The following CLSTN2 variants were observed in gnomAD, a reference collection of about 807,000 sequenced individuals.
The protein encoded by CLSTN2 is calsyntenin-2.
In CLSTN2, 48 loss-of-function variants were observed where a neutral mutation model predicts 101.2. The observed-to-expected ratio is 0.47, with a 90% CI of 0.38 to 0.60. The LOEUF (loss-of-function observed/expected upper bound fraction) is 0.60. Ranked by LOEUF, CLSTN2 falls within the 20% of genes least tolerant of loss-of-function variation. CLSTN2 has a pLI of 0.00. For missense variants in CLSTN2, 1,160 were observed against 1,238.2 expected, an observed-to-expected ratio of 0.94 and a Z score of 0.95; for synonymous variants, 481 against 463.6, an observed-to-expected ratio of 1.04 and a Z score of -0.48.
chr3:140,129,048 T>C (rs2009481382), intron 1 of CLSTN2, among the ~76,000 whole-genome samples: 1 of 152,088 alleles, frequency 6.6e-6, no homozygotes, highest in Admixed American at 6.6e-5. Flanking sequence ...TCTTAGTAAA[T>C]ACAAAAACTT....
At position 140,169,263 on chromosome 3, in the gene CLSTN2, AT is replaced by A. The variant is rs550929396; in HGVS notation, c.110-6681del. Among the ~76,000 whole-genome samples, 61 of 152,122 alleles carry A rather than the reference AT, an allele frequency of 4.0e-4. No homozygotes were observed. In the East Asian group the frequency reaches 8.3e-3, roughly 21 times the overall value. ...ATGTTTTTGATGCTATTGTAACAGT[AT>A]TTTTTTAATTGAAATTTCCAATTGT... On this transcript the variant is annotated intron_variant, in intron 1 of 16. Coordinates refer to ENST00000458420, the MANE Select transcript of CLSTN2 (RefSeq NM_022131.3).
At chr3:140,521,374 T>C (rs528539324) in intron 8 of CLSTN2, among the ~76,000 whole-genome samples, 4 of 152,350 alleles carry the variant, frequency 2.6e-5, no homozygotes, top group African/African-American at 7.2e-5. Context: ...TACCCTTCCA[T>C]AGGGCTGCTG....
intron 8 of CLSTN2, among the ~76,000 whole-genome samples, chr3:140,509,852 T>C (rs960664035): frequency 3.3e-5 from 5 of 152,222 alleles, no homozygotes; most frequent in Non-Finnish European, 5.9e-5. Flanking sequence ...GGGAGAAGCT[T>C]TGAATTAGAT....
intron 4 of CLSTN2, among the ~76,000 whole-genome samples, chr3:140,412,197 T>A (rs1316768993): frequency 6.6e-6 from 1 of 152,188 alleles, no homozygotes; most frequent in Non-Finnish European, 1.5e-5. Flanking sequence ...GTATTTTTAG[T>A]GGAGATGGGG....
At chr3:140,427,410 A>T (rs2088584438) in intron 5 of CLSTN2, among the ~76,000 whole-genome samples, 1 of 151,820 alleles carries the variant, frequency 6.6e-6, no homozygotes. Context: ...CCAGTCGCTG[A>T]GGTGGCAACA....
At chr3:139,938,140 C>CAAAA (rs66697366) in intron 1 of CLSTN2, among the ~76,000 whole-genome samples, 17,242 of 94,252 alleles carry the variant, frequency 0.18, 1,182 homozygotes, top group Middle Eastern at 0.27. Flanking sequence ...ATTCCCATCA[C>CAAAA]AAAAAAAAAA....
At chr3:140,553,221 G>T (rs349512) in intron 10 of CLSTN2, among the ~76,000 whole-genome samples, 3,582 of 152,336 alleles carry the variant, frequency 0.024, 58 homozygotes, top group Admixed American at 0.04. Context: ...GGGTACAAGA[G>T]CAGTGAAGGC....
At chr3:140,373,678 T>C (rs1468323447) in intron 2 of CLSTN2, among the ~76,000 whole-genome samples, 3 of 152,200 alleles carry the variant, frequency 2.0e-5, no homozygotes, top group African/African-American at 7.2e-5. Context: ...GAGCTCTATT[T>C]TAGGGCAAAG....
chr3:140,228,577 C>T (rs561021064), intron 2 of CLSTN2, among the ~76,000 whole-genome samples: 1 of 152,310 alleles, frequency 6.6e-6, no homozygotes, highest in East Asian at 1.9e-4. Context: ...GCACCCCACT[C>T]TTGTAGTACC....
intron 1 of CLSTN2, among the ~76,000 whole-genome samples, chr3:139,937,112 G>A (rs1576369589): frequency 1.3e-5 from 2 of 151,958 alleles, no homozygotes; most frequent in Admixed American, 6.6e-5. Context: ...TGGGGGGTGG[G>A]GGGGAGGAGA....
intron 1 of CLSTN2, among the ~76,000 whole-genome samples, chr3:140,156,368 A>G (rs900392929): frequency 6.6e-6 from 1 of 152,198 alleles, no homozygotes; most frequent in African/African-American, 2.4e-5. Context: ...TTTATTGCTC[A>G]TGCTGAAATA....
chr3:139,951,753 CA>C (rs1935299758), intron 1 of CLSTN2, among the ~76,000 whole-genome samples: 1 of 151,938 alleles, frequency 6.6e-6, no homozygotes, highest in South Asian at 2.1e-4. Context: ...AGGAGCTTGA[CA>C]AATCATGGTA....
At chr3:139,968,515 T>C (rs543506030) in intron 1 of CLSTN2, among the ~76,000 whole-genome samples, 19 of 152,328 alleles carry the variant, frequency 1.2e-4, no homozygotes, top group Non-Finnish European at 2.2e-4. Flanking sequence ...CTGCTCCCCG[T>C]TTTGCTCTTC....
intron 8 of CLSTN2, among the ~76,000 whole-genome samples, chr3:140,475,767 T>C (rs1933970304): frequency 6.6e-6 from 1 of 152,232 alleles, no homozygotes; most frequent in South Asian, 2.1e-4. Flanking sequence ...GTAAAATCAT[T>C]ATTTGTGTTT....
chr3:140,429,783 C>A (rs2088609587), intron 5 of CLSTN2, among the ~76,000 whole-genome samples: 1 of 152,138 alleles, frequency 6.6e-6, no homozygotes, highest in Non-Finnish European at 1.5e-5. Flanking sequence ...TTTGTTTATT[C>A]CAAACTCAAG....
At chr3:140,564,475 A>G (rs1935992217) in intron 16 of CLSTN2, among the ~76,000 whole-genome samples, 1 of 152,230 alleles carries the variant, frequency 6.6e-6, no homozygotes, top group Admixed American at 6.5e-5. Flanking sequence ...GAGCTAACTA[A>G]CACTTAGGGA....
At chr3:139,956,930 C>G (rs1935417070) in intron 1 of CLSTN2, among the ~76,000 whole-genome samples, 1 of 152,214 alleles carries the variant, frequency 6.6e-6, no homozygotes, top group Admixed American at 6.5e-5. Flanking sequence ...AATGCATCCT[C>G]CCCTCTTTCT....
At chr3:140,023,241 G>T (rs1397639166) in intron 1 of CLSTN2, among the ~76,000 whole-genome samples, 3 of 152,154 alleles carry the variant, frequency 2.0e-5, no homozygotes, top group African/African-American at 7.2e-5. Flanking sequence ...TGTAGAGGGT[G>T]GCTGCTGCTG....
chr3:140,251,713 T>C (rs1277434386), intron 2 of CLSTN2, among the ~76,000 whole-genome samples: 1 of 151,950 alleles, frequency 6.6e-6, no homozygotes, highest in East Asian at 1.9e-4. Flanking sequence ...TGCTTCATGC[T>C]GCCAATGGTA....
Sources: gnomAD v4.1 joint callset for allele counts (sites outside exome capture counted in the v4.1 genomes callset) on GRCh38, gnomAD v4.1.1 for gene constraint, MANE v1.5 for transcripts, NCBI Gene and HGNC (gene_info 2026-07-23, HGNC 2026-07-21) for gene names.